The following ZNF334 variants were observed in gnomAD, a reference collection of about 807,000 sequenced individuals.
ZNF334 encodes zinc finger protein 334.
ZNF334 carries 14 observed loss-of-function variants against 12.4 expected under a neutral mutation model. That is an observed-to-expected ratio of 1.13 (90% CI 0.74 to 1.76). The LOEUF is 1.76. Among genes scored for constraint, ZNF334 ranks in the 40% most tolerant of loss-of-function variants. ZNF334 has a pLI of 0.00. For synonymous variants in ZNF334, 273 were observed against 269.6 expected (o/e 1.01, Z -0.12); for missense variants, 797 against 804.5 (o/e 0.99, Z 0.11).
chr20:46,506,988 C>T (rs900124875), intron 2 of ZNF334, among the ~76,000 whole-genome samples: 1 of 151,608 alleles, frequency 6.6e-6, no homozygotes, highest in African/African-American at 2.4e-5. Flanking sequence ...GTGGCACATG[C>T]CTGTAGTCCC....
chr20:46,473,056 G>A, the ZNF334 span, among the ~76,000 whole-genome samples: 1 of 152,180 alleles, frequency 6.6e-6, no homozygotes, highest in East Asian at 1.9e-4. Flanking sequence ...TTCTGCATCA[G>A]TTAGTCAATT....
rs1734730562 is a variant in ZNF334 at position 46,501,907 on chromosome 20, T to C, written c.1432A>G (p.Ile478Val). The C allele has an allele frequency of 2.5e-6, 4 of 1,613,774 alleles. No individual in the cohort carries two copies. In the South Asian group the frequency reaches 3.3e-5, roughly 13 times the overall value. The part of the protein sequence containing the change: ...KFFCHKSTLT[I>V]HQRTHTGEKH... ...TCTCCTGTGTGTGTTCTCTGATGTA[T>C]AGTGAGTGTTGACTTATGGCAGAAA... Residue 478 changes from isoleucine (I) to valine (V), a missense_variant, in exon 5 of 5, where the codon ATA (isoleucine) becomes GTA (valine). Transcript: ENST00000692313.
chr20:46,507,317 G>A (rs1206781222), intron 2 of ZNF334, among the ~76,000 whole-genome samples: 4 of 152,112 alleles, frequency 2.6e-5, no homozygotes, highest in Admixed American at 2.6e-4. Flanking sequence ...AGCCAGCAAA[G>A]TGTCAAGGTT....
chr20:46,490,720 C>A, the ZNF334 span: 3 of 152,202 alleles, frequency 2.0e-5, no homozygotes, highest in African/African-American at 7.2e-5. Flanking sequence ...CATCCTACCC[C>A]TCTAAAGTCT....
In ZNF334 at chr20:46,499,708, T is replaced by C. The variant is rs2061088996; in HGVS notation, c.*1588A>G. On this transcript the variant is annotated 3_prime_UTR_variant, in exon 5 of 5. Coordinates refer to ENST00000692313, the MANE Select transcript of ZNF334 (RefSeq NM_001353824.2). ...AATTTCTTTCACAATAGCAACCAAA[T>C]CTTTGAAGTGACTATTAATACATTT... 1 of 152,232 alleles carries C rather than the reference T, an allele frequency of 6.6e-6. No homozygotes were observed. Among genetic ancestry groups the C allele is most frequent in the Admixed American group, 6.5e-5 (1 of 15,288 alleles). 9.4% of individuals were successfully genotyped at this position (152,232 alleles called of 1,614,324 possible).
chr20:46,509,646 A>C, intron 2 of ZNF334: 2 of 703,026 alleles, frequency 2.8e-6, no homozygotes, highest in Non-Finnish European at 5.2e-6. Flanking sequence ...AGGTTCACCC[A>C]CGGTGAGTTA....
At chr20:46,488,152 T>C in the ZNF334 span, among the ~76,000 whole-genome samples, 1 of 152,118 alleles carries the variant, frequency 6.6e-6, no homozygotes, top group African/African-American at 2.4e-5. Context: ...GGCTTGAGCC[T>C]AAATCAAATA....
chr20:46,502,591 A>T lies in ZNF334; in HGVS notation c.748T>A (p.Ser250Thr), dbSNP rs1389972878. 1.9e-6 allele frequency: 3 copies of T among 1,613,704 alleles called. No individual in the cohort carries two copies. In the African/African-American group the frequency reaches 4.0e-5, roughly 22 times the overall value. ...ATTCTCTGATGTACAATGAGGGTAG[A>T]TCTCTTAGAAAAGGTTTTCCTACAT... The part of the protein sequence containing the change: ...NECRKTFSKR[S>T]TLIVHQRIHT... The change falls in exon 5 of 5, where the codon TCT becomes ACT. Residue 250 changes from serine (S) to threonine (T), a missense_variant. Physicochemically the swap from Ser to Thr is moderately conservative, Grantham distance 58. Coordinates refer to ENST00000692313, the MANE Select transcript of ZNF334 (RefSeq NM_001353824.2).
chr20:46,499,706 A>G lies in ZNF334; in HGVS notation c.*1590T>C, dbSNP rs1174689422. The G allele has an allele frequency of 6.6e-6, 1 of 152,232 alleles. No homozygotes were observed. The highest frequency in any genetic ancestry group is 1.5e-5 in the Non-Finnish European group (1 of 68,034). 9.4% of individuals were successfully genotyped at this position (152,232 alleles called of 1,614,324 possible). ...TTAATTTCTTTCACAATAGCAACCA[A>G]ATCTTTGAAGTGACTATTAATACAT... On this transcript the variant is annotated 3_prime_UTR_variant, in exon 5 of 5. Coordinates refer to ENST00000692313, the MANE Select transcript of ZNF334 (RefSeq NM_001353824.2).
chr20:46,465,539 C>A, the ZNF334 span, among the ~76,000 whole-genome samples: 15 of 152,178 alleles, frequency 9.9e-5, no homozygotes, highest in Admixed American at 3.3e-4. Context: ...CTCTAAAAAA[C>A]CAAAACAAAC....
In ZNF334 at chr20:46,500,222, G is replaced by A. The variant is rs908720044; in HGVS notation, c.*1074C>T. On this transcript the variant is annotated 3_prime_UTR_variant, in exon 5 of 5. Coordinates refer to ENST00000692313, the MANE Select transcript of ZNF334 (RefSeq NM_001353824.2). The stretch of plus-strand genomic sequence containing the variant: ...TCATGCCTGGGGCAGAATGCATAAT[G>A]TGGCAGAGAAGCTAGGAATGGGTAT... The A allele has an allele frequency of 6.6e-6, 1 of 152,156 alleles. No individual in the cohort carries two copies. Among genetic ancestry groups the A allele is most frequent in the South Asian group, 2.1e-4 (1 of 4,822 alleles). The allele number at this position is 152,156 out of a possible 1,614,324, so 9.4% of individuals were successfully genotyped here.
intron 2 of ZNF334, chr20:46,506,352 G>A: frequency 1.6e-6 from 1 of 637,938 alleles, no homozygotes; most frequent in East Asian, 2.9e-5. Flanking sequence ...ATGGCCAGGT[G>A]TGGTGGCGCA....
At chr20:46,464,208 A>G in the ZNF334 span, 1 of 530,876 alleles carries the variant, frequency 1.9e-6, no homozygotes, top group South Asian at 1.5e-5. Flanking sequence ...GTCCTTCATC[A>G]AAATCCCTGC....
the ZNF334 span, chr20:46,485,175 G>C: frequency 1.2e-5 from 2 of 165,946 alleles, no homozygotes; most frequent in East Asian, 3.9e-4. Context: ...CCCCCACCAG[G>C]AGGTGACAGG....
chr20:46,471,025 T>A, the ZNF334 span, among the ~76,000 whole-genome samples: 4 of 152,232 alleles, frequency 2.6e-5, no homozygotes, highest in African/African-American at 9.6e-5. Context: ...TAGTAGATAA[T>A]GCTAAAATAT....
At chr20:46,469,507 T>G in the ZNF334 span, among the ~76,000 whole-genome samples, 1 of 151,584 alleles carries the variant, frequency 6.6e-6, no homozygotes, top group South Asian at 2.1e-4. Flanking sequence ...TAGCTGAGAC[T>G]ACAGGTGCCC....
chr20:46,501,182 T>G lies in ZNF334; in HGVS notation c.*114A>C. The G allele has an allele frequency of 7.2e-7, 1 of 1,394,058 alleles. No homozygotes were observed. Among genetic ancestry groups the G allele is most frequent in the Non-Finnish European group, 9.6e-7 (1 of 1,039,242 alleles). 86.4% of individuals were successfully genotyped at this position (1,394,058 alleles called of 1,614,324 possible). A position where few individuals can be genotyped will look rare whatever the true frequency, so the allele number is the denominator to read the frequency against. On this transcript the variant is annotated 3_prime_UTR_variant, in exon 5 of 5. Transcript: ENST00000692313. ...TGAGGGTTGACTTATGGCAGAAAAA[T>G]TTTCCATATTCATTACATTTATAAG...
rs2061144467 is a variant in ZNF334 at position 46,501,198 on chromosome 20, C to T, written c.*98G>A. On this transcript the variant is annotated 3_prime_UTR_variant, in exon 5 of 5. Transcript: ENST00000692313. ...GCAGAAAAATTTTCCATATTCATTACATTTATAAGATTTTACTCCTCTATA... is the reference window on the plus strand; with the variant it reads ...GCAGAAAAATTTTCCATATTCATTATATTTATAAGATTTTACTCCTCTATA... 6.8e-7 allele frequency: 1 copy of T among 1,465,398 alleles called. No homozygotes were observed. The highest frequency in any genetic ancestry group is 9.1e-7 in the Non-Finnish European group (1 of 1,099,080). 90.8% of individuals were successfully genotyped at this position (1,465,398 alleles called of 1,614,324 possible).
At chr20:46,473,962 A>G in the ZNF334 span, among the ~76,000 whole-genome samples, 5 of 152,212 alleles carry the variant, frequency 3.3e-5, no homozygotes, top group Admixed American at 6.5e-5. Context: ...TTTGATGATT[A>G]ATTTTCAAAG....
Sources: gnomAD v4.1 joint callset for allele counts (sites outside exome capture counted in the v4.1 genomes callset) on GRCh38, gnomAD v4.1.1 for gene constraint, MANE v1.5 for transcripts, NCBI Gene and HGNC (gene_info 2026-07-23, HGNC 2026-07-21) for gene names.